Variants in MGAT4C observed in about 807,000 individuals in gnomAD.
The protein encoded by MGAT4C is MGAT4 family member C.
A neutral mutation model predicts 40.1 loss-of-function variants in MGAT4C; 19 were observed. That is an observed-to-expected ratio of 0.47 (90% confidence interval 0.33 to 0.70). MGAT4C has a LOEUF of 0.70. Among genes scored for constraint, MGAT4C ranks in the 30% least tolerant of loss-of-function variants. MGAT4C has a pLI of 0.02. For synonymous variants in MGAT4C, 181 were observed against 187.1 expected (o/e 0.97, Z 0.27); for missense variants, 491 against 563.2 (o/e 0.87, Z 1.30).
chr12:86,013,160 G>T (rs1164724594), intron 2 of MGAT4C, among the ~76,000 whole-genome samples: 2 of 152,156 alleles, frequency 1.3e-5, no homozygotes, highest in South Asian at 2.1e-4. Flanking sequence ...GTAAGACCTT[G>T]TCTCTTCAGA....
At chr12:86,810,081 T>A (rs1194123687) in intron 1 of MGAT4C, among the ~76,000 whole-genome samples, 1 of 152,032 alleles carries the variant, frequency 6.6e-6, no homozygotes, top group East Asian at 1.9e-4. Flanking sequence ...CCATACAGAG[T>A]CTTTTAAGTG....
At chr12:86,327,321 T>A (rs1321651117) in intron 4 of MGAT4C, among the ~76,000 whole-genome samples, 1 of 152,066 alleles carries the variant, frequency 6.6e-6, no homozygotes, top group African/African-American at 2.4e-5. Flanking sequence ...TTAATTTTTT[T>A]ATTTTCATTG....
rs1302787433 is a variant in MGAT4C, at chr12:86,039,625, CCTTTTTTCAAGGCTCTTAG to C, written c.-7+10030_-7+10048del. Among the ~76,000 whole-genome samples, 20 of 152,284 alleles carry C rather than the reference CCTTTTTTCAAGGCTCTTAG, an allele frequency of 1.3e-4. 1 individual carries two copies. The South Asian group carries it at 3.7e-3, about 28-fold the overall frequency. ...TTATTCTAGTTAACAATTCATCTAA[CCTTTTTTCAAGGCTCTTAG>C]CTTCCTTGCAGTTGGTTAGAACACG... On this transcript the variant is annotated intron_variant, in intron 2 of 4. Coordinates refer to ENST00000611864, the MANE Select transcript of MGAT4C (RefSeq NM_001351288.2).
chr12:86,061,392 G>A (rs1335108164), intron 1 of MGAT4C, among the ~76,000 whole-genome samples: 2 of 151,964 alleles, frequency 1.3e-5, no homozygotes, highest in East Asian at 1.9e-4. Context: ...TGGTGCCTAT[G>A]CCACCAGGGC....
chr12:86,502,455 C>G (rs1958364498), intron 2 of MGAT4C, among the ~76,000 whole-genome samples: 1 of 151,674 alleles, frequency 6.6e-6, no homozygotes, highest in South Asian at 2.1e-4. Context: ...TGTCAAAATC[C>G]ATAGAGCTGC....
intron 3 of MGAT4C, among the ~76,000 whole-genome samples, chr12:86,365,934 G>A (rs1342159201): frequency 6.6e-6 from 1 of 152,098 alleles, no homozygotes; most frequent in Non-Finnish European, 1.5e-5. Context: ...AAATGCCATT[G>A]GTATTTTGAT....
intron 2 of MGAT4C, among the ~76,000 whole-genome samples, chr12:86,638,342 GAT>G: frequency 6.6e-6 from 1 of 151,928 alleles, no homozygotes; most frequent in South Asian, 2.1e-4. Flanking sequence ...ACCACAAAGT[GAT>G]AACTCAGCAC....
chr12:86,191,356 C>T (rs907053827), intron 1 of MGAT4C, among the ~76,000 whole-genome samples: 9 of 151,700 alleles, frequency 5.9e-5, no homozygotes, highest in African/African-American at 1.9e-4. Flanking sequence ...AAGAAAACTA[C>T]GTGAAATGTC....
At chr12:86,502,084 G>A (rs140372764) in intron 2 of MGAT4C, among the ~76,000 whole-genome samples, 13 of 152,174 alleles carry the variant, frequency 8.5e-5, no homozygotes, top group Middle Eastern at 3.4e-3. Context: ...TCAACAAGAT[G>A]TCCTTCAAAA....
At chr12:86,069,196 T>C (rs1055885148) in intron 1 of MGAT4C, among the ~76,000 whole-genome samples, 1 of 149,990 alleles carries the variant, frequency 6.7e-6, no homozygotes, top group Non-Finnish European at 1.5e-5. Context: ...AATATAACAT[T>C]ATAGTGTACC....
At chr12:86,406,141 T>A (rs1478591354) in intron 3 of MGAT4C, among the ~76,000 whole-genome samples, 1 of 149,578 alleles carries the variant, frequency 6.7e-6, no homozygotes, top group African/African-American at 2.4e-5. Context: ...ATCATAGAAT[T>A]AAATGTAAAA....
chr12:86,807,495 T>C (rs1414862083), intron 1 of MGAT4C, among the ~76,000 whole-genome samples: 1 of 152,152 alleles, frequency 6.6e-6, no homozygotes, highest in African/African-American at 2.4e-5. Context: ...ATAGTGTATA[T>C]GTACCACATT....
At chr12:86,749,054 C>A (rs1036710095) in intron 1 of MGAT4C, among the ~76,000 whole-genome samples, 1 of 150,568 alleles carries the variant, frequency 6.6e-6, no homozygotes, top group Admixed American at 6.6e-5. Context: ...GTTTACATAT[C>A]GTAAACCTGC....
chr12:86,281,504 G>A (rs1318588112), intron 4 of MGAT4C, among the ~76,000 whole-genome samples: 3 of 151,874 alleles, frequency 2.0e-5, no homozygotes, highest in Non-Finnish European at 4.4e-5. Flanking sequence ...ATATTTTGGA[G>A]AAGTTTTATA....
intron 1 of MGAT4C, among the ~76,000 whole-genome samples, chr12:86,191,751 G>GGGGTGTGTGT (rs1555243731): frequency 1.1e-4 from 11 of 98,466 alleles, no homozygotes; most frequent in African/African-American, 2.7e-4. Context: ...AGGAGATAAA[G>GGGGTGTGTGT]GTGTGTGTGT....
chr12:86,518,684 C>T (rs1301699824), intron 2 of MGAT4C, among the ~76,000 whole-genome samples: 1 of 152,082 alleles, frequency 6.6e-6, no homozygotes, highest in Non-Finnish European at 1.5e-5. Flanking sequence ...ATTCCTAGGC[C>T]TTTCCATATG....
chr12:86,601,375 GCACT>G (rs1454080956), intron 2 of MGAT4C: 1 of 152,082 alleles, frequency 6.6e-6, no homozygotes, highest in Non-Finnish European at 1.5e-5. Context: ...TAACCAATCA[GCACT>G]CACTTCATCC....
At chr12:86,301,438 TATC>T (rs1953809704) in intron 4 of MGAT4C, among the ~76,000 whole-genome samples, 1 of 152,190 alleles carries the variant, frequency 6.6e-6, no homozygotes, top group Non-Finnish European at 1.5e-5. Context: ...ATACTATGGT[TATC>T]ATGAGCTACA....
chr12:86,502,762 TATATATGTATACACGAGTTCTGCTC>T (rs1958376471), intron 2 of MGAT4C, among the ~76,000 whole-genome samples: 3 of 63,978 alleles, frequency 4.7e-5, no homozygotes, highest in Non-Finnish European at 7.3e-5. Flanking sequence ...GTTCTGCTCA[TATATATGTATACACGAGTTCTGCTC>T]ATATATATGT....
Sources: gnomAD v4.1 joint callset for allele counts (sites outside exome capture counted in the v4.1 genomes callset) on GRCh38, gnomAD v4.1.1 for gene constraint, MANE v1.5 for transcripts, NCBI Gene and HGNC (gene_info 2026-07-23, HGNC 2026-07-21) for gene names.